Variants in TENT4B observed in about 807,000 individuals in gnomAD.
TENT4B encodes the protein PAP associated domain containing 5.
Under a neutral mutation model 75.0 loss-of-function variants are expected in TENT4B, and 10 were observed. The observed-to-expected ratio is 0.13, with a 90% CI of 0.08 to 0.23. TENT4B has a LOEUF of 0.23. Among genes scored for constraint, TENT4B ranks in the 10% least tolerant of loss-of-function variants. The pLI is 1.00. For synonymous variants in TENT4B, 350 were observed against 357.7 expected, an observed-to-expected ratio of 0.98 and a Z score of 0.24; for missense variants, 579 against 893.8, an observed-to-expected ratio of 0.65 and a Z score of 4.49.
intron 1 of TENT4B, among the ~76,000 whole-genome samples, chr16:50,209,230 G>T (rs1278375989): frequency 6.6e-6 from 1 of 152,084 alleles, no homozygotes; most frequent in African/African-American, 2.4e-5. Flanking sequence ...AATAAACTCC[G>T]ATCACTCACA....
intron 1 of TENT4B, among the ~76,000 whole-genome samples, chr16:50,182,147 G>A (rs1242759937): frequency 6.6e-6 from 1 of 152,068 alleles, no homozygotes; most frequent in African/African-American, 2.4e-5. Context: ...CGTGCATGTG[G>A]TCCCAGCTAC....
At chr16:50,197,930 G>A (rs940747945) in intron 1 of TENT4B, among the ~76,000 whole-genome samples, 3 of 152,064 alleles carry the variant, frequency 2.0e-5, no homozygotes, top group Non-Finnish European at 4.4e-5. Context: ...AATATGTAAG[G>A]AGACAGTTTT....
At chr16:50,186,656 G>A (rs2038533350) in intron 1 of TENT4B, among the ~76,000 whole-genome samples, 2 of 152,114 alleles carry the variant, frequency 1.3e-5, no homozygotes, top group Non-Finnish European at 2.9e-5. Flanking sequence ...TTGAGGGATG[G>A]CCAGACTTTT....
intron 5 of TENT4B, among the ~76,000 whole-genome samples, chr16:50,219,144 T>A (rs572201681): frequency 6.6e-6 from 1 of 152,284 alleles, no homozygotes; most frequent in South Asian, 2.1e-4. Context: ...AAAAAACTTT[T>A]AAAAATTGAA....
At position 50,223,338 on chromosome 16, in the gene TENT4B, A is replaced by G; in HGVS notation, c.1332A>G (p.Leu444=). The change falls in exon 7 of 12, where the codon CTA becomes CTG. Residue 444 remains leucine (L), a synonymous_variant. Coordinates refer to ENST00000561678, the MANE Select transcript of TENT4B (RefSeq NM_001365324.3). Reference sequence around the variant, plus strand: ...AAGATGAAGTACAGAAAAATATGCTAGATGGCTACAGGCCATCAATGCTTT... The same window carrying G: ...AAGATGAAGTACAGAAAAATATGCTGGATGGCTACAGGCCATCAATGCTTT... The part of the protein sequence containing the change: ...VAKDEVQKNM[L]DGYRPSMLYI... 6.2e-7 allele frequency: 1 copy of G among 1,613,670 alleles called. No homozygotes were observed. The highest frequency in any genetic ancestry group is 8.5e-7 in the Non-Finnish European group (1 of 1,179,690).
intron 1 of TENT4B, among the ~76,000 whole-genome samples, chr16:50,163,914 T>G (rs1187865106): frequency 2.0e-5 from 3 of 151,722 alleles, no homozygotes; most frequent in Non-Finnish European, 4.4e-5. Flanking sequence ...TCCCAGTACT[T>G]TGGGAGGCCA....
chr16:50,218,044 A>G (rs1334288409), intron 5 of TENT4B, among the ~76,000 whole-genome samples: 1 of 151,444 alleles, frequency 6.6e-6, no homozygotes, highest in East Asian at 1.9e-4. Context: ...GGCATGAGCC[A>G]CCATGCTCAG....
intron 1 of TENT4B, among the ~76,000 whole-genome samples, chr16:50,171,407 G>A (rs1035871613): frequency 6.6e-6 from 1 of 151,954 alleles, no homozygotes; most frequent in African/African-American, 2.4e-5. Flanking sequence ...CTCTGGCTGT[G>A]GTGGGGAAAG....
chr16:50,158,123 C>G (rs1209191342), intron 1 of TENT4B, among the ~76,000 whole-genome samples: 1 of 149,800 alleles, frequency 6.7e-6, no homozygotes, highest in Non-Finnish European at 1.5e-5. Flanking sequence ...GTCTTGCTCT[C>G]TTGCCCAGGC....
At chr16:50,213,090 C>A (rs1053707194) in intron 2 of TENT4B, among the ~76,000 whole-genome samples, 1 of 151,924 alleles carries the variant, frequency 6.6e-6, no homozygotes, top group Non-Finnish European at 1.5e-5. Flanking sequence ...GATGGAGTCT[C>A]GCTCTGTCGC....
At position 50,153,569 on chromosome 16, in the gene TENT4B, C is replaced by G; in HGVS notation, c.-53C>G. ...GGGCGTGCGCCTGAGGCGGCGGCGGCGGCGGCCCTGCGGGCGGCCGGGAGG... is the reference window on the plus strand; with the variant it reads ...GGGCGTGCGCCTGAGGCGGCGGCGGGGGCGGCCCTGCGGGCGGCCGGGAGG... On this transcript the variant is annotated 5_prime_UTR_variant, in exon 1 of 12. Transcript: ENST00000561678. 1.0e-6 allele frequency: 1 copy of G among 969,782 alleles called. No homozygotes were observed. The highest frequency in any genetic ancestry group is 1.2e-6 in the Non-Finnish European group (1 of 824,992). 60.1% of individuals were successfully genotyped at this position (969,782 alleles called of 1,614,324 possible). A position where few individuals can be genotyped will look rare whatever the true frequency, so the allele number is the denominator to read the frequency against.
Position 50,230,479 on chromosome 16 carries a change from G to A in TENT4B, c.*1151G>A. On this transcript the variant is annotated 3_prime_UTR_variant, in exon 12 of 12. Coordinates refer to ENST00000561678, the MANE Select transcript of TENT4B (RefSeq NM_001365324.3). ...TACTGTGGGAGAATAACTGTAAACA[G>A]CTTTAATTAAATCATACTTATAAAA... 2.0e-6 allele frequency: 2 copies of A among 982,752 alleles called. No homozygotes were observed. Among genetic ancestry groups the A allele is most frequent in the Non-Finnish European group, 2.4e-6 (2 of 827,228 alleles). The allele number at this position is 982,752 out of a possible 1,614,324, so 60.9% of individuals were successfully genotyped here. A position where few individuals can be genotyped will look rare whatever the true frequency, so the allele number is the denominator to read the frequency against.
At chr16:50,221,890 A>G (rs1047269359) in intron 5 of TENT4B, among the ~76,000 whole-genome samples, 1 of 151,898 alleles carries the variant, frequency 6.6e-6, no homozygotes, top group African/African-American at 2.4e-5. Flanking sequence ...CAGCCTCCCA[A>G]GTAGCTGGGA....
In TENT4B at chr16:50,183,031, T is replaced by A. The variant is rs577655180; in HGVS notation, c.639-28292T>A. Among the ~76,000 whole-genome samples the A allele has an allele frequency of 1.8e-4, 27 of 150,404 alleles. No homozygotes were observed. The East Asian group carries it at 4.7e-3, about 26-fold the overall frequency. On this transcript the variant is annotated intron_variant, in intron 1 of 11. Coordinates refer to ENST00000561678, the MANE Select transcript of TENT4B (RefSeq NM_001365324.3). ...ACCACACCCGGCTTTCTTGTATTTT[T>A]TTTTTATTTTTATTTATTTATTTAT...
chr16:50,232,096 G>C lies in TENT4B; in HGVS notation c.*2768G>C. The C allele has an allele frequency of 1.0e-6, 1 of 985,148 alleles. No homozygotes were observed. The highest frequency in any genetic ancestry group is 1.2e-6 in the Non-Finnish European group (1 of 829,704). The allele number at this position is 985,148 out of a possible 1,614,324, so 61.0% of individuals were successfully genotyped here. A position where few individuals can be genotyped will look rare whatever the true frequency, so the allele number is the denominator to read the frequency against. ...TTAGAAATATTAATATTTAAAGACT[G>C]TTTTTTAGAGGAGCTGATGGGTTGG... is the stretch of plus-strand genomic sequence containing the variant. On this transcript the variant is annotated 3_prime_UTR_variant, in exon 12 of 12. Transcript: ENST00000561678.
At chr16:50,199,459 G>C (rs1246820030) in intron 1 of TENT4B, among the ~76,000 whole-genome samples, 1 of 152,196 alleles carries the variant, frequency 6.6e-6, no homozygotes, top group African/African-American at 2.4e-5. Context: ...ATTGAGAAAA[G>C]GATGGAACAT....
intron 1 of TENT4B, among the ~76,000 whole-genome samples, chr16:50,196,970 G>A (rs2030304866): frequency 6.6e-6 from 1 of 151,696 alleles, no homozygotes; most frequent in Non-Finnish European, 1.5e-5. Context: ...TAAGCAGGAT[G>A]TGGGCACATG....
At chr16:50,177,576 G>A (rs999295452) in intron 1 of TENT4B, among the ~76,000 whole-genome samples, 13 of 151,882 alleles carry the variant, frequency 8.6e-5, no homozygotes, top group African/African-American at 3.1e-4. Flanking sequence ...AGAAGTGATG[G>A]CCCTTTTTCA....
In TENT4B at chr16:50,229,497, CA is replaced by C; in HGVS notation, c.*177del. 7 of 1,169,146 alleles carry C rather than the reference CA, an allele frequency of 6.0e-6. No individual in the cohort carries two copies. Among genetic ancestry groups the C allele is most frequent in the Non-Finnish European group, 7.3e-6 (7 of 958,544 alleles). The allele number at this position is 1,169,146 out of a possible 1,614,324, so 72.4% of individuals were successfully genotyped here. On this transcript the variant is annotated 3_prime_UTR_variant, in exon 12 of 12. Coordinates refer to ENST00000561678, the MANE Select transcript of TENT4B (RefSeq NM_001365324.3). ...AATGGATCATGAAGACTGACAACTG[CA>C]AAAAAAACAAAACAAAACAAAAAAA...
Sources: allele counts gnomAD v4.1 joint callset (sites outside exome capture counted in the v4.1 genomes callset), GRCh38; gene constraint gnomAD v4.1.1; transcripts MANE v1.5; gene names NCBI Gene and HGNC (gene_info 2026-07-23, HGNC 2026-07-21).